The following CALM2 variants were observed in gnomAD, a reference collection of about 807,000 sequenced individuals.
The protein encoded by CALM2 is calmodulin-2.
In CALM2, 2 loss-of-function variants were observed where a neutral mutation model predicts 19.8. The observed-to-expected ratio is 0.10, with a 90% CI of 0.04 to 0.32. The LOEUF (loss-of-function observed/expected upper bound fraction) is 0.32. CALM2 is among the 10% of genes least tolerant of loss of function. The pLI, the probability that CALM2 is intolerant of heterozygous loss-of-function variation, is 1.00. For synonymous variants in CALM2, 51 were observed against 52.1 expected, an observed-to-expected ratio of 0.98 and a Z score of 0.09; for missense variants, 38 against 178.7, an observed-to-expected ratio of 0.21 and a Z score of 4.49.
Position 47,175,081 on chromosome 2 carries a change from G to GTTTTTTTTTT in CALM2, c.3+1350_3+1359dup, listed in dbSNP as rs563702873. On this transcript the variant is annotated intron_variant, in intron 1 of 5. Transcript: ENST00000272298. ...TCACAGATCACCGCCCTCATTAGGTGTTTTTTTTTTTTTTTTTCAGGAAAG... is the reference window on the plus strand; with the variant it reads ...TCACAGATCACCGCCCTCATTAGGTGTTTTTTTTTTTTTTTTTTTTTTTTTTTCAGGAAAG... Among the ~76,000 whole-genome samples the GTTTTTTTTTT allele has an allele frequency of 9.6e-4, 75 of 77,858 alleles. 8 individuals carry two copies. Among genetic ancestry groups the GTTTTTTTTTT allele is most frequent in the African/African-American group, 1.8e-3 (20 of 10,888 alleles). The allele number at this position is 77,858 out of a possible 152,430, so 51.1% of individuals were successfully genotyped here. A position where few individuals can be genotyped will look rare whatever the true frequency, so the allele number is the denominator to read the frequency against.
chr2:47,161,958 A>T (rs755983446), intron 4 of CALM2, 100 bp from the exon 5 acceptor site: 10 of 996,154 alleles, frequency 1.0e-5, no homozygotes, highest in Non-Finnish European at 1.4e-5. Flanking sequence ...TTGGGGGAAA[A>T]ACATACTTTA....
chr2:47,166,048 A>G (rs950290701), intron 2 of CALM2, among the ~76,000 whole-genome samples: 7 of 152,202 alleles, frequency 4.6e-5, no homozygotes, highest in Admixed American at 4.6e-4. Context: ...TCTAATACCA[A>G]TCAGAAGGTT....
chr2:47,174,525 T>A (rs1049161666), intron 1 of CALM2, among the ~76,000 whole-genome samples: 1 of 152,172 alleles, frequency 6.6e-6, no homozygotes, highest in East Asian at 1.9e-4. Context: ...ATGATATCTG[T>A]CAATTTTTAT....
At chr2:47,176,904 C>A, upstream of CALM2, 1 of 985,398 alleles carries the variant, frequency 1.0e-6, no homozygotes, top group Non-Finnish European at 1.2e-6. Flanking sequence ...CGGCTTCTGC[C>A]GTTGCTGCTC....
intron 2 of CALM2, 85 bp downstream of exon 2, chr2:47,170,648 AT>A: frequency 1.9e-6 from 2 of 1,034,036 alleles, no homozygotes; most frequent in Non-Finnish European, 3.1e-6. Flanking sequence ...AAAGTCAATT[AT>A]TTCATACAAG....
intron 1 of CALM2, among the ~76,000 whole-genome samples, chr2:47,175,094 T>TG (rs1225156413): frequency 8.6e-5 from 12 of 139,756 alleles, no homozygotes; most frequent in Admixed American, 2.8e-4. Flanking sequence ...TTTTTTTTTT[T>TG]TTTTCAGGAA....
At chr2:47,174,862 A>G (rs1243653061) in intron 1 of CALM2, among the ~76,000 whole-genome samples, 3 of 152,224 alleles carry the variant, frequency 2.0e-5, no homozygotes, top group Non-Finnish European at 4.4e-5. Flanking sequence ...TAACATTTGA[A>G]GCATCAAGAT....
chr2:47,172,960 G>C (rs147309983), intron 1 of CALM2: 1 of 152,320 alleles, frequency 6.6e-6, no homozygotes, highest in East Asian at 1.9e-4. Flanking sequence ...ATACCATCTT[G>C]TCTAACTCCC....
chr2:47,174,663 T>A (rs1480210156), intron 1 of CALM2, among the ~76,000 whole-genome samples: 2 of 152,054 alleles, frequency 1.3e-5, no homozygotes, highest in Admixed American at 6.6e-5. Flanking sequence ...CACAAATGCG[T>A]AGATACCAAC....
chr2:47,176,915 G>A (rs952353748), upstream of CALM2: 4 of 985,270 alleles, frequency 4.1e-6, no homozygotes, highest in African/African-American at 1.7e-5. Flanking sequence ...GTTGCTGCTC[G>A]GGCCGCGCTG....
At chr2:47,175,331 G>A (rs557643897) in intron 1 of CALM2, among the ~76,000 whole-genome samples, 1 of 152,206 alleles carries the variant, frequency 6.6e-6, no homozygotes, top group East Asian at 1.9e-4. Flanking sequence ...CATTAGGACT[G>A]CACGCTGTTT....
intron 2 of CALM2, among the ~76,000 whole-genome samples, chr2:47,167,881 G>A (rs1286326324): frequency 7.1e-6 from 1 of 140,554 alleles, no homozygotes. Flanking sequence ...CAATCCCACT[G>A]CCTCAGCCTC....
intron 1 of CALM2, chr2:47,172,320 T>A (rs941273483): frequency 1.6e-5 from 7 of 424,846 alleles, no homozygotes; most frequent in Non-Finnish European, 3.4e-5. Flanking sequence ...CAGGCCAGTA[T>A]CCCAGCCCTG....
intron 2 of CALM2, among the ~76,000 whole-genome samples, chr2:47,165,028 G>C (rs983651740): frequency 3.8e-4 from 58 of 152,062 alleles, no homozygotes; most frequent in African/African-American, 1.4e-3. Context: ...TTAAATGCTT[G>C]CCCTTATCCC....
intron 2 of CALM2, among the ~76,000 whole-genome samples, chr2:47,168,963 AG>A: frequency 6.6e-6 from 1 of 152,120 alleles, no homozygotes; most frequent in East Asian, 1.9e-4. Flanking sequence ...TTTTTAGGAG[AG>A]ATGGGGTTTC....
chr2:47,175,309 G>C (rs979153036), intron 1 of CALM2, among the ~76,000 whole-genome samples: 2 of 152,074 alleles, frequency 1.3e-5, no homozygotes, highest in Non-Finnish European at 2.9e-5. Flanking sequence ...TTATGTGGTC[G>C]TGGTTCTTGA....
chr2:47,174,895 A>G (rs749742439), intron 1 of CALM2, among the ~76,000 whole-genome samples: 3 of 152,178 alleles, frequency 2.0e-5, no homozygotes, highest in Admixed American at 6.5e-5. Flanking sequence ...TCAAACGTCA[A>G]TGAACGCTAG....
rs547325050 is a variant in CALM2 at position 47,161,961 on chromosome 2, A to G, written c.286-103T>C. The G allele has an allele frequency of 4.1e-6, 4 of 973,284 alleles. No homozygotes were observed. In the South Asian group the frequency reaches 6.3e-5, roughly 15 times the overall value. The allele number at this position is 973,284 out of a possible 1,614,324, so 60.3% of individuals were successfully genotyped here. On this transcript the variant is annotated intron_variant, in intron 4 of 5. Transcript: ENST00000272298. ...CTAAATTTCACATTGGGGGAAAAAC[A>G]TACTTTAGAAATGCATACAAATCTA...
At chr2:47,167,550 CG>C in intron 2 of CALM2, 1 of 187,530 alleles carries the variant, frequency 5.3e-6, no homozygotes, top group South Asian at 7.4e-5. Context: ...AAAAACTAGC[CG>C]GGTGTGGTGG....
Sources: allele counts gnomAD v4.1 joint callset (sites outside exome capture counted in the v4.1 genomes callset), GRCh38; gene constraint gnomAD v4.1.1; transcripts MANE v1.5; gene names NCBI Gene and HGNC (gene_info 2026-07-23, HGNC 2026-07-21).